NEXMIF: variants seen among roughly 807,000 people sequenced by gnomAD.
The protein encoded by NEXMIF is XLMR protein related to neurite extension.
NEXMIF carries 8 observed loss-of-function variants against 62.1 expected under a neutral mutation model. The ratio of observed to expected loss-of-function variants is 0.13; its 90% CI spans 0.08 to 0.23. The LOEUF (loss-of-function observed/expected upper bound fraction) is 0.23, where lower values mean the gene tolerates loss of function less well. NEXMIF is among the 10% of genes least tolerant of loss of function. The pLI is 1.00. For synonymous variants in NEXMIF, 404 were observed against 416.6 expected, an observed-to-expected ratio of 0.97 and a Z score of 0.37; for missense variants, 976 against 1,113.3, an observed-to-expected ratio of 0.88 and a Z score of 1.75.
rs768359372 is a variant in NEXMIF, at chrX:74,762,528, G to C, written c.-47-16831C>G. 1.2e-4 allele frequency among the ~76,000 whole-genome samples: 13 copies of C among 111,714 alleles called. 1 individual carries two copies. The South Asian group carries it at 4.9e-3, about 42-fold the overall frequency. ...GGTATTTCTAGTTCTAGATCCCTGA[G>C]GAATCGCCACACTGTCTTCCACAAT... On this transcript the variant is annotated intron_variant, in intron 1 of 3. Coordinates refer to ENST00000055682, the MANE Select transcript of NEXMIF (RefSeq NM_001008537.3).
chrX:74,810,353 A>G (rs1404392942), intron 1 of NEXMIF, among the ~76,000 whole-genome samples: 1 of 111,885 alleles, frequency 8.9e-6, no homozygotes, highest in Admixed American at 9.5e-5. Flanking sequence ...TGTGTAGCCT[A>G]ATCTTTTGTC....
intron 1 of NEXMIF, among the ~76,000 whole-genome samples, chrX:74,850,730 T>A (rs749925101): frequency 4.5e-5 from 5 of 110,794 alleles, no homozygotes; most frequent in East Asian, 2.8e-4. Context: ...TCCTCCCGTA[T>A]GAAAGAAAAT....
intron 1 of NEXMIF, among the ~76,000 whole-genome samples, chrX:74,875,376 C>T (rs1478875635): frequency 5.4e-5 from 6 of 111,661 alleles, no homozygotes; most frequent in East Asian, 2.8e-4. Context: ...CTTTTTGCTG[C>T]GCTGCTGGAT....
chrX:74,869,212 G>A (rs868614478), intron 1 of NEXMIF, among the ~76,000 whole-genome samples: 1 of 111,479 alleles, frequency 9.0e-6, no homozygotes, highest in Non-Finnish European at 1.9e-5. Flanking sequence ...ATAGAATACA[G>A]GACAAAAATC....
intron 1 of NEXMIF, among the ~76,000 whole-genome samples, chrX:74,832,118 G>C (rs941466904): frequency 9.0e-6 from 1 of 111,538 alleles, no homozygotes; most frequent in Non-Finnish European, 1.9e-5. Flanking sequence ...GAGTAATACC[G>C]CCCTCACAGA....
chrX:74,744,951 T>TCTCTCTCTC (rs1473125100), intron 2 of NEXMIF, among the ~76,000 whole-genome samples: 1 of 18,648 alleles, frequency 5.4e-5, no homozygotes, highest in Admixed American at 8.5e-4. Flanking sequence ...CTCTCTCTCT[T>TCTCTCTCTC]CTCTCTCCTC....
chrX:74,832,393 T>C (rs2080440830), intron 1 of NEXMIF, among the ~76,000 whole-genome samples: 1 of 111,828 alleles, frequency 8.9e-6, no homozygotes, highest in Admixed American at 9.5e-5. Flanking sequence ...TAGCATATAG[T>C]TGCTGATAGT....
intron 1 of NEXMIF, among the ~76,000 whole-genome samples, chrX:74,860,325 C>G (rs753876909): frequency 8.9e-6 from 1 of 111,967 alleles, no homozygotes; most frequent in African/African-American, 3.2e-5. Flanking sequence ...TTCAACAAAT[C>G]ACTTTCAGCA....
intron 1 of NEXMIF, among the ~76,000 whole-genome samples, chrX:74,805,317 G>A (rs1004289458): frequency 2.0e-4 from 22 of 111,450 alleles, no homozygotes; most frequent in Non-Finnish European, 3.6e-4. Context: ...CCTTCTATTT[G>A]GCTATCTTGC....
intron 1 of NEXMIF, among the ~76,000 whole-genome samples, chrX:74,898,939 C>T (rs2080740679): frequency 9.0e-6 from 1 of 111,261 alleles, no homozygotes; most frequent in Non-Finnish European, 1.9e-5. Flanking sequence ...AAGACTTGTA[C>T]ACAGAAAAGT....
intron 1 of NEXMIF, among the ~76,000 whole-genome samples, chrX:74,771,870 T>C (rs1046127973): frequency 8.9e-6 from 1 of 111,758 alleles, no homozygotes; most frequent in Non-Finnish European, 1.9e-5. Context: ...ACCTGGCTCA[T>C]AGTGGGTCCA....
chrX:74,835,204 C>T lies in NEXMIF; in HGVS notation c.-47-89507G>A, dbSNP rs776062994. Among the ~76,000 whole-genome samples, 4 of 111,782 alleles carry T rather than the reference C, an allele frequency of 3.6e-5. No homozygotes were observed. In the South Asian group the frequency reaches 1.1e-3, roughly 31 times the overall value. The stretch of plus-strand genomic sequence containing the variant: ...GTTTATCTGACAGAATTCTGAATTC[C>T]TTCCCTGTGTTACCTTGAATTTCTT... On this transcript the variant is annotated intron_variant, in intron 1 of 3. Transcript: ENST00000055682.
Position 74,876,949 on chromosome X carries a change from T to C in NEXMIF, c.-48+47934A>G, listed in dbSNP as rs1268131346. Among the ~76,000 whole-genome samples the C allele has an allele frequency of 5.4e-5, 6 of 111,647 alleles. No individual in the cohort carries two copies. The South Asian group carries it at 1.5e-3, about 28-fold the overall frequency. On this transcript the variant is annotated intron_variant, in intron 1 of 3. Coordinates refer to ENST00000055682, the MANE Select transcript of NEXMIF (RefSeq NM_001008537.3). The stretch of plus-strand genomic sequence containing the variant: ...ATGGGTCTTGACTCTTTATCCAATT[T>C]GCCAGTCTGTGTCTTTTAATTGGAG...
rs372426489 is a variant in NEXMIF, at chrX:74,896,291, T to C, written c.-48+28592A>G. On this transcript the variant is annotated intron_variant, in intron 1 of 3. Transcript: ENST00000055682. ...TGCCTTCTTCCTTATCTAGATACCATACTTCCCCTTCCTCAACCCTGAAAT... is the reference window on the plus strand; with the variant it reads ...TGCCTTCTTCCTTATCTAGATACCACACTTCCCCTTCCTCAACCCTGAAAT... Among the ~76,000 whole-genome samples the C allele has an allele frequency of 4.5e-5, 5 of 111,733 alleles. No individual in the cohort carries two copies. The East Asian group carries it at 8.5e-4, about 19-fold the overall frequency.
intron 1 of NEXMIF, among the ~76,000 whole-genome samples, chrX:74,850,545 G>A (rs923900363): frequency 1.8e-5 from 2 of 112,040 alleles, no homozygotes; most frequent in Admixed American, 9.5e-5. Context: ...GCCCAGCAAA[G>A]CTTCACCACA....
chrX:74,839,292 C>A (rs2080466763), intron 1 of NEXMIF, among the ~76,000 whole-genome samples: 1 of 112,015 alleles, frequency 8.9e-6, no homozygotes. Context: ...TTAAAAATGA[C>A]ATTTGGTCCT....
At position 74,742,764 on chromosome X, in the gene NEXMIF, T is replaced by G. The variant is rs1322958101; in HGVS notation, c.1793A>C (p.Asn598Thr). ...WQKKKKQRNT[N>T]TDSIKTPFSQ... Reference sequence around the variant, plus strand: ...AAAAGGTGTCTTGATGGAGTCCGTGTTGGTGTTTCTCTGCTTCTTCTTCTT... The same window carrying G: ...AAAAGGTGTCTTGATGGAGTCCGTGGTGGTGTTTCTCTGCTTCTTCTTCTT... The change falls in exon 3 of 4, where the codon AAC becomes ACC. Residue 598 changes from asparagine (N) to threonine (T), a missense_variant. This residue lies in a region of NEXMIF where 639 missense variants were observed against 694.5 expected (regional missense o/e 0.92). Coordinates refer to ENST00000055682, the MANE Select transcript of NEXMIF (RefSeq NM_001008537.3). 8.3e-7 allele frequency: 1 copy of G among 1,211,244 alleles called. No individual in the cohort carries two copies. The highest frequency in any genetic ancestry group is 2.2e-5 in the Admixed American group (1 of 45,927).
intron 1 of NEXMIF, among the ~76,000 whole-genome samples, chrX:74,887,691 T>A (rs760647755): frequency 4.5e-5 from 5 of 111,319 alleles, no homozygotes; most frequent in Non-Finnish European, 9.4e-5. Flanking sequence ...ACTTTTACAC[T>A]GTTGGTGGGA....
chrX:74,898,587 A>G (rs1468998091), intron 1 of NEXMIF, among the ~76,000 whole-genome samples: 1 of 111,916 alleles, frequency 8.9e-6, no homozygotes, highest in Non-Finnish European at 1.9e-5. Context: ...ATTAATTGTG[A>G]CAAACGTACC....
Sources: gnomAD v4.1 joint callset for allele counts (sites outside exome capture counted in the v4.1 genomes callset) on GRCh38, gnomAD v4.1.1 for gene constraint, gnomAD v4.1.1 regional missense constraint, MANE v1.5 for transcripts, NCBI Gene and HGNC (gene_info 2026-07-23, HGNC 2026-07-21) for gene names.